Variants in SEC14L5 observed in about 807,000 individuals in gnomAD.
SEC14L5 encodes the protein SEC14 like lipid binding 5, also known as SEC14-like protein 5.
A neutral mutation model predicts 84.6 loss-of-function variants in SEC14L5; 96 were observed. The observed-to-expected ratio is 1.13, with a 90% CI of 0.96 to 1.34. The LOEUF is 1.34. Among genes scored for constraint, SEC14L5 ranks in the 40% most tolerant of loss-of-function variants. The pLI, the probability that SEC14L5 is intolerant of heterozygous loss-of-function variation, is 0.00. For synonymous variants in SEC14L5, 546 were observed against 383.4 expected, an observed-to-expected ratio of 1.42 and a Z score of -4.95; for missense variants, 1,224 against 942.5, an observed-to-expected ratio of 1.30 and a Z score of -3.91.
chr16:4,982,331 G>C (rs1327857146), intron 2 of SEC14L5, among the ~76,000 whole-genome samples: 1 of 152,206 alleles, frequency 6.6e-6, no homozygotes, highest in Non-Finnish European at 1.5e-5. Flanking sequence ...CACGTGGGCT[G>C]TGACAGGCGC....
At chr16:5,013,159 C>T (rs375060778) in intron 15 of SEC14L5, among the ~76,000 whole-genome samples, 2 of 152,136 alleles carry the variant, frequency 1.3e-5, no homozygotes, top group Non-Finnish European at 2.9e-5. Context: ...AGATCCCTCC[C>T]TCAACACTTG....
At position 4,998,003 on chromosome 16, in the gene SEC14L5, C is replaced by CCTTTTTTTTTTTTTTTTTTTTTT. The variant is rs1555530444; in HGVS notation, c.970+959_970+960insCTTTTTTTTTTTTTTTTTTTTTT. Among the ~76,000 whole-genome samples the CCTTTTTTTTTTTTTTTTTTTTTT allele has an allele frequency of 3.9e-5, 3 of 77,896 alleles. 1 individual carries two copies. The highest frequency in any genetic ancestry group is 7.9e-5 in the Non-Finnish European group (3 of 37,856). 51.1% of individuals were successfully genotyped at this position (77,896 alleles called of 152,430 possible). ...AATTACACCTGCACAGACTCTAGTTCTTTTTTTTTTTTTTTTTTGAGACAG... is the reference window on the plus strand; with the variant it reads ...AATTACACCTGCACAGACTCTAGTTCCTTTTTTTTTTTTTTTTTTTTTTTTTTTTTTTTTTTTTTTTGAGACAG... On this transcript the variant is annotated intron_variant, in intron 8 of 15. Coordinates refer to ENST00000251170, the MANE Select transcript of SEC14L5 (RefSeq NM_014692.2).
chr16:4,966,115 G>C (rs1020139625), intron 2 of SEC14L5, among the ~76,000 whole-genome samples: 1 of 151,940 alleles, frequency 6.6e-6, no homozygotes, highest in Non-Finnish European at 1.5e-5. Context: ...CTGAAGTTCC[G>C]CCACCATGCC....
chr16:5,012,947 AAGG>A (rs58418290), intron 15 of SEC14L5, among the ~76,000 whole-genome samples: 35,399 of 150,876 alleles, frequency 0.23, 4,364 homozygotes, highest in Admixed American at 0.33. Context: ...TTTATAAAGA[AAGG>A]AGGTTTAATT....
chr16:5,004,371 G>A (rs1475899828), intron 11 of SEC14L5, among the ~76,000 whole-genome samples: 1 of 152,146 alleles, frequency 6.6e-6, no homozygotes, highest in Admixed American at 6.5e-5. Context: ...CTGCTGTTTG[G>A]GGTGGTTTTG....
At chr16:5,007,977 G>T (rs533184946) in intron 13 of SEC14L5, among the ~76,000 whole-genome samples, 1 of 143,174 alleles carries the variant, frequency 7.0e-6, no homozygotes, top group East Asian at 2.1e-4. Flanking sequence ...GCGCAATGTT[G>T]GCTCACTGCA....
At chr16:4,973,122 A>T (rs554080656) in intron 2 of SEC14L5, among the ~76,000 whole-genome samples, 6 of 152,220 alleles carry the variant, frequency 3.9e-5, no homozygotes, top group Non-Finnish European at 5.9e-5. Context: ...TTTCTGAGAA[A>T]AACTGAGCCT....
chr16:4,987,643 G>A lies in SEC14L5; in HGVS notation c.150G>A (p.Gly50=). The A allele has an allele frequency of 6.4e-7, 1 of 1,555,032 alleles. No homozygotes were observed. ...TGCGCGAGTCCCGCAGCCCGGACGG[G>A]GCTGTGCACGTGGTGGAGCGGAGCT... ...EVLRESRSPD[G]AVHVVERSCR... Residue 50 remains glycine (G), a synonymous_variant, in exon 3 of 16, where the codon GGG becomes GGA. Transcript: ENST00000251170.
chr16:5,006,367 G>A (rs528160522), intron 12 of SEC14L5, among the ~76,000 whole-genome samples: 1 of 152,308 alleles, frequency 6.6e-6, no homozygotes, highest in South Asian at 2.1e-4. Context: ...CAAAGACATT[G>A]CCAAGCAGCA....
chr16:4,959,522 T>C (rs1362220248), intron 2 of SEC14L5, 136 bp downstream of exon 2: 2 of 751,562 alleles, frequency 2.7e-6, no homozygotes, highest in Admixed American at 4.2e-5. Flanking sequence ...ACCTGGTGGG[T>C]TTAACTTCTA....
intron 13 of SEC14L5, among the ~76,000 whole-genome samples, chr16:5,007,972 A>G (rs1032744308): frequency 2.7e-5 from 4 of 147,838 alleles, no homozygotes; most frequent in South Asian, 2.1e-4. Context: ...CAGTGGCGCA[A>G]TGTTGGCTCA....
intron 4 of SEC14L5, among the ~76,000 whole-genome samples, chr16:4,989,218 C>G (rs74005451): frequency 6.6e-6 from 1 of 152,004 alleles, no homozygotes; most frequent in East Asian, 1.9e-4. Context: ...TCTGTAAAAT[C>G]GGGACATTGG....
chr16:4,980,353 C>T (rs574970316), intron 2 of SEC14L5, among the ~76,000 whole-genome samples: 2 of 152,254 alleles, frequency 1.3e-5, no homozygotes, highest in Admixed American at 6.5e-5. Context: ...CCTTTCCTTT[C>T]GAAGTCAGAG....
chr16:4,982,394 T>C lies in SEC14L5; in HGVS notation c.64-5163T>C, dbSNP rs924100644. Among the ~76,000 whole-genome samples, 8 of 152,142 alleles carry C rather than the reference T, an allele frequency of 5.3e-5. No individual in the cohort carries two copies. The East Asian group carries it at 1.5e-3, about 29-fold the overall frequency. On this transcript the variant is annotated intron_variant, in intron 2 of 15. Coordinates refer to ENST00000251170, the MANE Select transcript of SEC14L5 (RefSeq NM_014692.2). ...ATAAGGTCAGCCACAGATGCTGGGATACGCCCCCACCACCCTGACCCTGGC... is the reference window on the plus strand; with the variant it reads ...ATAAGGTCAGCCACAGATGCTGGGACACGCCCCCACCACCCTGACCCTGGC...
intron 2 of SEC14L5, among the ~76,000 whole-genome samples, chr16:4,975,676 G>T (rs1955331378): frequency 1.3e-5 from 2 of 151,872 alleles, no homozygotes; most frequent in Non-Finnish European, 1.5e-5. Flanking sequence ...CTTTTCCTTT[G>T]GGTAGATACC....
chr16:4,985,308 C>T (rs1227777900), intron 2 of SEC14L5, among the ~76,000 whole-genome samples: 1 of 152,134 alleles, frequency 6.6e-6, no homozygotes, highest in Non-Finnish European at 1.5e-5. Context: ...TCACTGCAAC[C>T]TCCGCCTCCT....
At chr16:5,010,339 G>T (rs1392181764) in intron 14 of SEC14L5, among the ~76,000 whole-genome samples, 1 of 151,732 alleles carries the variant, frequency 6.6e-6, no homozygotes, top group Non-Finnish European at 1.5e-5. Flanking sequence ...ACTCTAGTCT[G>T]AGTGAAAGAG....
At chr16:5,000,070 C>T (rs1205080362) in intron 8 of SEC14L5, among the ~76,000 whole-genome samples, 1 of 152,034 alleles carries the variant, frequency 6.6e-6, no homozygotes, top group Non-Finnish European at 1.5e-5. Context: ...GGTGGGTGTA[C>T]ACCTGAGGTC....
intron 2 of SEC14L5, among the ~76,000 whole-genome samples, chr16:4,963,666 C>G (rs1444516497): frequency 6.7e-6 from 1 of 150,326 alleles, no homozygotes; most frequent in Non-Finnish European, 1.5e-5. Context: ...TTTTTTCTTT[C>G]TTTTTGAGAC....
Sources: gnomAD v4.1 joint callset for allele counts (sites outside exome capture counted in the v4.1 genomes callset) on GRCh38, gnomAD v4.1.1 for gene constraint, MANE v1.5 for transcripts, NCBI Gene and HGNC (gene_info 2026-07-23, HGNC 2026-07-21) for gene names.